Variants in ATL3 observed in about 807,000 individuals in gnomAD.
ATL3 encodes the protein atlastin GTPase 3.
Under a neutral mutation model 69.5 loss-of-function variants are expected in ATL3, and 49 were observed. The observed-to-expected ratio is 0.71, with a 90% CI of 0.56 to 0.89. The LOEUF (loss-of-function observed/expected upper bound fraction) is 0.89, where lower values mean the gene tolerates loss of function less well. ATL3 is among the 40% of genes least tolerant of loss of function. ATL3 has a pLI of 0.00. For missense variants in ATL3, 606 were observed against 645.7 expected (o/e 0.94, Z 0.67); for synonymous variants, 214 against 224.1 (o/e 0.95, Z 0.40).
chr11:63,633,108 A>C lies in ATL3; in HGVS notation c.1036-11T>G. On this transcript the variant is annotated splice_polypyrimidine_tract_variant and intron_variant, in intron 10 of 12. Transcript: ENST00000398868. ...GGCTTCAGCAGTGGCCTTTTAAGAG[A>C]GAAAAACGTGAACTGTAAATCCTTC... is the stretch of plus-strand genomic sequence containing the variant. 1 of 1,612,214 alleles carries C rather than the reference A, an allele frequency of 6.2e-7. No homozygotes were observed. Among genetic ancestry groups the C allele is most frequent in the Non-Finnish European group, 8.5e-7 (1 of 1,178,298 alleles).
intron 10 of ATL3, among the ~76,000 whole-genome samples, chr11:63,633,684 C>T (rs1939403875): frequency 6.8e-6 from 1 of 148,072 alleles, no homozygotes; most frequent in Non-Finnish European, 1.5e-5. Flanking sequence ...ACACCTGGCT[C>T]CATTGCTCCA....
rs1255826408 is a variant in ATL3, at chr11:63,643,487, T to C, written c.720A>G (p.Glu240=). 3.1e-6 allele frequency: 5 copies of C among 1,606,488 alleles called. No individual in the cohort carries two copies. The African/African-American group carries it at 6.7e-5, about 22-fold the overall frequency. Residue 240 remains glutamate, a synonymous_variant, in exon 8 of 13, where the codon GAA becomes GAG. Coordinates refer to ENST00000398868, the MANE Select transcript of ATL3 (RefSeq NM_015459.5). ...CATTCTGAATTTCTTCATGTTGATGTTCCTTCACCTGCCAATGAAGACCAA... is the reference window on the plus strand; with the variant it reads ...CATTCTGAATTTCTTCATGTTGATGCTCCTTCACCTGCCAATGAAGACCAA... ...AFLDKRLQVK[E]HQHEEIQNVR... is the part of the protein sequence containing the mutation.
At chr11:63,640,806 T>C (rs1939677341) in intron 8 of ATL3, among the ~76,000 whole-genome samples, 1 of 152,048 alleles carries the variant, frequency 6.6e-6, no homozygotes, top group Admixed American at 6.6e-5. Context: ...TTCACCATGT[T>C]GGCCAGGCTG....
At chr11:63,647,709 G>A (rs1359565214) in intron 5 of ATL3, among the ~76,000 whole-genome samples, 1 of 152,154 alleles carries the variant, frequency 6.6e-6, no homozygotes, top group East Asian at 1.9e-4. Flanking sequence ...AGGTTTACAT[G>A]TATATTTACC....
At chr11:63,665,771 T>A (rs1419007937) in intron 1 of ATL3, among the ~76,000 whole-genome samples, 1 of 151,672 alleles carries the variant, frequency 6.6e-6, no homozygotes, top group Non-Finnish European at 1.5e-5. Context: ...GCGCCTGTAA[T>A]CCCAGCTACT....
rs1214078220 is a variant in ATL3 at position 63,652,017 on chromosome 11, T to C, written c.511-31A>G. 4 of 1,587,050 alleles carry C rather than the reference T, an allele frequency of 2.5e-6. No homozygotes were observed. In the African/African-American group the frequency reaches 4.1e-5, roughly 16 times the overall value. ...AAACAAAAATCCAGATTGATACTACTCTGGCTTACTTCAAACAAATCCCAA... is the reference window on the plus strand; with the variant it reads ...AAACAAAAATCCAGATTGATACTACCCTGGCTTACTTCAAACAAATCCCAA... On this transcript the variant is annotated intron_variant, in intron 4 of 12. Transcript: ENST00000398868.
At chr11:63,658,940 T>C in intron 2 of ATL3, 36 bp from the exon 3 acceptor site, 1 of 1,582,290 alleles carries the variant, frequency 6.3e-7, no homozygotes, top group East Asian at 2.2e-5. Context: ...AATCTTAAAT[T>C]AAAAATTTTA....
chr11:63,671,564 G>T (rs1462606302), upstream of ATL3: 3 of 1,422,136 alleles, frequency 2.1e-6, no homozygotes, highest in South Asian at 2.9e-5. Context: ...TAGGCGAGGC[G>T]GGGCGGGAAA....
intron 3 of ATL3, among the ~76,000 whole-genome samples, chr11:63,652,822 GA>G (rs1306538484): frequency 6.6e-6 from 1 of 152,204 alleles, no homozygotes; most frequent in Non-Finnish European, 1.5e-5. Context: ...AATTGAAACA[GA>G]CAAAAGTTGA....
intron 5 of ATL3, among the ~76,000 whole-genome samples, chr11:63,651,128 TG>T (rs1193805722): frequency 6.6e-6 from 1 of 151,876 alleles, no homozygotes; most frequent in African/African-American, 2.4e-5. Context: ...GAGCATTTTG[TG>T]GGAAAAACAG....
Position 63,633,115 on chromosome 11 carries a change from CGTGA to C in ATL3, c.1036-22_1036-19del, listed in dbSNP as rs1939381273. 6 of 1,607,646 alleles carry C rather than the reference CGTGA, an allele frequency of 3.7e-6. No individual in the cohort carries two copies. The highest frequency in any genetic ancestry group is 5.1e-6 in the Non-Finnish European group (6 of 1,174,292). ...GCAGTGGCCTTTTAAGAGAGAAAAA[CGTGA>C]ACTGTAAATCCTTCCTCTTTTAACA... is the stretch of plus-strand genomic sequence containing the variant. On this transcript the variant is annotated intron_variant, in intron 10 of 12. Coordinates refer to ENST00000398868, the MANE Select transcript of ATL3 (RefSeq NM_015459.5).
chr11:63,624,957 A>T lies in ATL3; in HGVS notation c.*4362T>A, dbSNP rs1241866767. On this transcript the variant is annotated 3_prime_UTR_variant, in exon 13 of 13. Coordinates refer to ENST00000398868, the MANE Select transcript of ATL3 (RefSeq NM_015459.5). ...CTCTGTGGTCTCTGAACCACTATTT[A>T]TAAAAGTGATGACTCCAGGACCACA... 1.3e-5 allele frequency: 2 copies of T among 152,140 alleles called. No individual in the cohort carries two copies. The highest frequency in any genetic ancestry group is 1.5e-5 in the Non-Finnish European group (1 of 68,036). The allele number at this position is 152,140 out of a possible 1,614,324, so 9.4% of individuals were successfully genotyped here. A position where few individuals can be genotyped will look rare whatever the true frequency, so the allele number is the denominator to read the frequency against.
chr11:63,641,221 A>G (rs776212946), intron 8 of ATL3, among the ~76,000 whole-genome samples: 4 of 152,214 alleles, frequency 2.6e-5, no homozygotes, highest in Non-Finnish European at 4.4e-5. Context: ...CATAATTATG[A>G]GACTAAAGAT....
chr11:63,656,112 T>A (rs1030621449), intron 3 of ATL3, among the ~76,000 whole-genome samples: 2 of 151,336 alleles, frequency 1.3e-5, no homozygotes, highest in Admixed American at 1.3e-4. Context: ...TAGTCCCAGC[T>A]CCTTGGGAGG....
At chr11:63,643,266 T>C (rs904732985) in intron 8 of ATL3, 91 bp downstream of exon 8, 2 of 1,371,528 alleles carry the variant, frequency 1.5e-6, no homozygotes, top group Middle Eastern at 1.9e-4. Context: ...AGCATACCAT[T>C]TTTCTTAAGC....
rs886586450 is a variant in ATL3 at position 63,656,647 on chromosome 11, T to C, written c.405+2114A>G. On this transcript the variant is annotated intron_variant, in intron 3 of 12. Transcript: ENST00000398868. ...TACTCAGAAGGCTGAGACAGGAGAA[T>C]TGCTTGAACCCGGGAGGCAGAGGTT... Among the ~76,000 whole-genome samples the C allele has an allele frequency of 3.3e-5, 5 of 151,016 alleles. No homozygotes were observed. The South Asian group carries it at 1.1e-3, about 32-fold the overall frequency.
intron 5 of ATL3, among the ~76,000 whole-genome samples, chr11:63,650,035 TA>T (rs1940022005): frequency 6.6e-6 from 1 of 151,920 alleles, no homozygotes; most frequent in African/African-American, 2.4e-5. Context: ...ATTTCCCCTG[TA>T]ATTTTTTTTT....
intron 1 of ATL3, among the ~76,000 whole-genome samples, chr11:63,661,733 T>C (rs1023960353): frequency 2.6e-5 from 4 of 151,712 alleles, no homozygotes; most frequent in African/African-American, 9.7e-5. Flanking sequence ...CTACTAAAAA[T>C]ACAAAATTAG....
chr11:63,671,708 G>T (rs1177349671), upstream of ATL3: 1 of 1,290,440 alleles, frequency 7.7e-7, no homozygotes, highest in Admixed American at 2.5e-5. Flanking sequence ...CCGGCCAGCG[G>T]TCCTCATACT....
Sources: gnomAD v4.1 joint callset for allele counts (sites outside exome capture counted in the v4.1 genomes callset) on GRCh38, gnomAD v4.1.1 for gene constraint, MANE v1.5 for transcripts, NCBI Gene and HGNC (gene_info 2026-07-23, HGNC 2026-07-21) for gene names.